The following NDUFAB1 variants were observed in gnomAD, a reference collection of about 807,000 sequenced individuals.
The protein encoded by NDUFAB1 is acyl carrier protein, mitochondrial.
A neutral mutation model predicts 16.1 loss-of-function variants in NDUFAB1; 5 were observed. The observed-to-expected ratio is 0.31, with a 90% CI of 0.16 to 0.65. The LOEUF is 0.65. Among genes scored for constraint, NDUFAB1 ranks in the 30% least tolerant of loss-of-function variants. NDUFAB1 has a pLI of 0.77. For missense variants in NDUFAB1, 187 were observed against 205.3 expected (o/e 0.91, Z 0.54); for synonymous variants, 85 against 78.4 (o/e 1.08, Z -0.44).
chr16:23,583,521 G>A (rs1266307773), intron 3 of NDUFAB1, among the ~76,000 whole-genome samples: 27 of 151,976 alleles, frequency 1.8e-4, no homozygotes, highest in Non-Finnish European at 3.7e-4. Flanking sequence ...TCTGGGATGT[G>A]AGGAGCGCCT....
chr16:23,584,382 G>T lies in NDUFAB1; in HGVS notation c.379+954C>A, dbSNP rs140925337. 1.5e-4 allele frequency among the ~76,000 whole-genome samples: 22 copies of T among 151,142 alleles called. No homozygotes were observed. The East Asian group carries it at 3.9e-3, about 27-fold the overall frequency. ...CTCTTCTTGACATTTCATGTAAATG[G>T]TATATAACGTGTCATCTTCTGTGTC... On this transcript the variant is annotated intron_variant, in intron 3 of 4. Coordinates refer to ENST00000007516, the MANE Select transcript of NDUFAB1 (RefSeq NM_005003.3).
chr16:23,592,826 G>A (rs1966291950), intron 1 of NDUFAB1, among the ~76,000 whole-genome samples: 1 of 152,214 alleles, frequency 6.6e-6, no homozygotes, highest in South Asian at 2.1e-4. Context: ...TGGCATAGTG[G>A]ATGGATTTGA....
rs560525025 is a variant in NDUFAB1 at position 23,595,220 on chromosome 16, G to C, written c.168+903C>G. Among the ~76,000 whole-genome samples the C allele has an allele frequency of 1.1e-3, 170 of 152,286 alleles. 2 individuals carry two copies. The highest frequency in any genetic ancestry group is 3.9e-3 in the African/African-American group (163 of 41,576). On this transcript the variant is annotated intron_variant, in intron 1 of 4. Coordinates refer to ENST00000007516, the MANE Select transcript of NDUFAB1 (RefSeq NM_005003.3). ...TTAGCCGGAGGTTGCAGTGAGCTGAGATCACGCCACTGCATTACAGCCTGG... is the reference window on the plus strand; with the variant it reads ...TTAGCCGGAGGTTGCAGTGAGCTGACATCACGCCACTGCATTACAGCCTGG...
chr16:23,594,455 C>T (rs1004446723), intron 1 of NDUFAB1, among the ~76,000 whole-genome samples: 5 of 152,050 alleles, frequency 3.3e-5, no homozygotes, highest in Non-Finnish European at 5.9e-5. Flanking sequence ...TGGGTTCAAT[C>T]GATCCTCCCA....
intron 1 of NDUFAB1, among the ~76,000 whole-genome samples, chr16:23,595,182 GCGGAGGTTGCCGTTAGC>G (rs1316361695): frequency 6.6e-6 from 1 of 152,230 alleles, no homozygotes; most frequent in East Asian, 1.9e-4. Flanking sequence ...AACCTGAGAG[GCGGAGGTTGCCGTTAGC>G]CGGAGGTTGC....
At chr16:23,583,305 C>T (rs1381694940) in intron 3 of NDUFAB1, among the ~76,000 whole-genome samples, 1 of 151,724 alleles carries the variant, frequency 6.6e-6, no homozygotes, top group African/African-American at 2.4e-5. Flanking sequence ...CGCCCCTTCC[C>T]GGCCGCCATC....
intron 2 of NDUFAB1, among the ~76,000 whole-genome samples, chr16:23,585,884 G>A (rs1448698794): frequency 6.6e-6 from 1 of 152,176 alleles, no homozygotes; most frequent in Non-Finnish European, 1.5e-5. Context: ...CTGTTTTGAA[G>A]TGAACAATAT....
At chr16:23,592,286 C>T (rs113063996) in intron 1 of NDUFAB1, among the ~76,000 whole-genome samples, 5 of 149,820 alleles carry the variant, frequency 3.3e-5, no homozygotes, top group Non-Finnish European at 5.9e-5. Context: ...TGAAGCTGCA[C>T]TGATATATGA....
chr16:23,587,127 CT>C, intron 2 of NDUFAB1, 69 bp downstream of exon 2: 10 of 1,482,292 alleles, frequency 6.7e-6, no homozygotes, highest in Non-Finnish European at 9.3e-6. Flanking sequence ...GTATCTTTCC[CT>C]TTGCATTTTC....
chr16:23,595,769 G>A, intron 1 of NDUFAB1: 2 of 475,894 alleles, frequency 4.2e-6, no homozygotes, highest in Admixed American at 5.8e-5. Context: ...ACCGTACGAG[G>A]TGCTCTAGCC....
At chr16:23,594,937 G>T (rs1181949719) in intron 1 of NDUFAB1, among the ~76,000 whole-genome samples, 1 of 151,796 alleles carries the variant, frequency 6.6e-6, no homozygotes, top group Non-Finnish European at 1.5e-5. Flanking sequence ...GCACTTCAGA[G>T]TCATCTGGAG....
chr16:23,583,781 G>A lies in NDUFAB1; in HGVS notation c.380-1406C>T, dbSNP rs935738520. 1.4e-4 allele frequency among the ~76,000 whole-genome samples: 21 copies of A among 152,088 alleles called. 1 individual carries two copies. Among genetic ancestry groups the A allele is most frequent in the African/African-American group, 4.6e-4 (19 of 41,438 alleles). The stretch of plus-strand genomic sequence containing the variant: ...GTGTACCCAACAGCTCATTGAGAAC[G>A]GGCCATGATGACGATGGCGGTTGTT... On this transcript the variant is annotated intron_variant, in intron 3 of 4. Coordinates refer to ENST00000007516, the MANE Select transcript of NDUFAB1 (RefSeq NM_005003.3).
chr16:23,595,216 C>G (rs1267752489), intron 1 of NDUFAB1, among the ~76,000 whole-genome samples: 1 of 152,124 alleles, frequency 6.6e-6, no homozygotes, highest in African/African-American at 2.4e-5. Context: ...TTGCAGTGAG[C>G]TGAGATCACG....
At chr16:23,583,269 G>A (rs918097800) in intron 3 of NDUFAB1, among the ~76,000 whole-genome samples, 78 of 151,874 alleles carry the variant, frequency 5.1e-4, no homozygotes, top group Non-Finnish European at 8.7e-4. Context: ...CCCTCTGCCC[G>A]GCTGCCCAGT....
At chr16:23,582,512 C>T in intron 3 of NDUFAB1, 137 bp from the exon 4 acceptor site, 2 of 1,177,104 alleles carry the variant, frequency 1.7e-6, no homozygotes, top group Non-Finnish European at 2.2e-6. Flanking sequence ...AGGTTGTGGG[C>T]CAGTTAGCTT....
intron 3 of NDUFAB1, 143 bp downstream of exon 3, chr16:23,585,193 A>C (rs1250737551): frequency 3.1e-6 from 2 of 636,994 alleles, no homozygotes; most frequent in Non-Finnish European, 5.6e-6. Context: ...GTAAGTGGGC[A>C]GGAAGGTGTG....
rs916145385 is a variant in NDUFAB1, at chr16:23,585,482, A to G, written c.292-59T>C. The G allele has an allele frequency of 9.1e-6, 11 of 1,210,496 alleles. No individual in the cohort carries two copies. The East Asian group carries it at 1.4e-4, about 15-fold the overall frequency. The allele number at this position is 1,210,496 out of a possible 1,614,324, so 75.0% of individuals were successfully genotyped here. A position where few individuals can be genotyped will look rare whatever the true frequency, so the allele number is the denominator to read the frequency against. On this transcript the variant is annotated intron_variant, in intron 2 of 4. Transcript: ENST00000007516. ...TCCATGAAAGCATCTGCTTCCCAAGATAACAGGGTGGTACAATGCCACTTA... is the reference window on the plus strand; with the variant it reads ...TCCATGAAAGCATCTGCTTCCCAAGGTAACAGGGTGGTACAATGCCACTTA...
chr16:23,587,403 A>C, intron 1 of NDUFAB1, 84 bp from the exon 2 acceptor site: 1 of 1,531,278 alleles, frequency 6.5e-7, no homozygotes, highest in Middle Eastern at 1.7e-4. Context: ...TAACTTTCAC[A>C]GAACTTTCGG....
rs1466622681 is a variant in NDUFAB1 at position 23,581,124 on chromosome 16, C to CAG, written c.*56_*57dup. On this transcript the variant is annotated 3_prime_UTR_variant, in exon 5 of 5. Transcript: ENST00000007516. Reference sequence around the variant, plus strand: ...GAATGCCAAAATGTGTCCTCACTGCCAGACATTCGTCACTATCATCTGAGT... The same window carrying CAG: ...GAATGCCAAAATGTGTCCTCACTGCCAGAGACATTCGTCACTATCATCTGAGT... 6.6e-6 allele frequency: 1 copy of CAG among 152,652 alleles called. No individual in the cohort carries two copies. Among genetic ancestry groups the CAG allele is most frequent in the African/African-American group, 2.4e-5 (1 of 41,440 alleles). The allele number at this position is 152,652 out of a possible 1,614,324, so 9.5% of individuals were successfully genotyped here.
Sources: gnomAD v4.1 joint callset for allele counts (sites outside exome capture counted in the v4.1 genomes callset) on GRCh38, gnomAD v4.1.1 for gene constraint, MANE v1.5 for transcripts, NCBI Gene and HGNC (gene_info 2026-07-23, HGNC 2026-07-21) for gene names.